The following SYNJ2BP variants were observed in gnomAD, a reference collection of about 807,000 sequenced individuals.
The protein encoded by SYNJ2BP is synaptojanin 2 binding protein, also known as synaptojanin-2-binding protein.
SYNJ2BP carries 10 observed loss-of-function variants against 16.9 expected under a neutral mutation model. The ratio of observed to expected loss-of-function variants is 0.59; its 90% CI spans 0.36 to 1.00. The LOEUF (loss-of-function observed/expected upper bound fraction) is 1.00, where lower values mean the gene tolerates loss of function less well. Ranked by LOEUF, SYNJ2BP falls within the 50% of genes least tolerant of loss-of-function variation. SYNJ2BP has a pLI of 0.01. For synonymous variants in SYNJ2BP, 54 were observed against 68.4 expected, an observed-to-expected ratio of 0.79 and a Z score of 1.04; for missense variants, 162 against 186.7, an observed-to-expected ratio of 0.87 and a Z score of 0.77.
chr14:70,416,561 A>T (rs941776595), intron 1 of SYNJ2BP, among the ~76,000 whole-genome samples: 2 of 152,108 alleles, frequency 1.3e-5, no homozygotes, highest in African/African-American at 2.4e-5. Flanking sequence ...GGGGAGGGAT[A>T]GAACAGGCAA....
Position 70,371,273 on chromosome 14 carries a change from CCT to C in SYNJ2BP, c.*1716_*1717del, listed in dbSNP as rs1357865909. ...TTCCATAGTATCCATTCATTCATAT[CCT>C]CCTCCTAGGCCGCATGAAACACCTA... On this transcript the variant is annotated 3_prime_UTR_variant, in exon 4 of 4. Transcript: ENST00000256366. 6.6e-6 allele frequency: 1 copy of C among 152,202 alleles called. No homozygotes were observed. The highest frequency in any genetic ancestry group is 1.5e-5 in the Non-Finnish European group (1 of 68,046). The allele number at this position is 152,202 out of a possible 1,614,324, so 9.4% of individuals were successfully genotyped here.
At chr14:70,411,481 A>G (rs1888471772) in intron 1 of SYNJ2BP, among the ~76,000 whole-genome samples, 1 of 152,178 alleles carries the variant, frequency 6.6e-6, no homozygotes, top group Admixed American at 6.5e-5. Flanking sequence ...ACTAACACTA[A>G]AGACTCCATA....
chr14:70,396,710 AT>A (rs1888107844), intron 1 of SYNJ2BP, among the ~76,000 whole-genome samples: 1 of 148,962 alleles, frequency 6.7e-6, no homozygotes, highest in African/African-American at 2.5e-5. Flanking sequence ...TGTGGTTTTG[AT>A]TTGCATTTCC....
At chr14:70,410,387 G>A (rs991403082) in intron 1 of SYNJ2BP, among the ~76,000 whole-genome samples, 1 of 152,198 alleles carries the variant, frequency 6.6e-6, no homozygotes, top group African/African-American at 2.4e-5. Flanking sequence ...TCGTGCCACT[G>A]CACTCCAGCC....
rs1887535046 is a variant in SYNJ2BP, at chr14:70,372,373, A to G, written c.*618T>C. 1.3e-5 allele frequency: 2 copies of G among 152,702 alleles called. No individual in the cohort carries two copies. Among genetic ancestry groups the G allele is most frequent in the African/African-American group, 4.8e-5 (2 of 41,446 alleles). 9.5% of individuals were successfully genotyped at this position (152,702 alleles called of 1,614,324 possible). ...GTTTAAGTATCTCTTTAAATTCTTCAGTTAAGATCATCCCTTTTATCAGAA... is the reference window on the plus strand; with the variant it reads ...GTTTAAGTATCTCTTTAAATTCTTCGGTTAAGATCATCCCTTTTATCAGAA... On this transcript the variant is annotated 3_prime_UTR_variant, in exon 4 of 4. Transcript: ENST00000256366.
intron 2 of SYNJ2BP, among the ~76,000 whole-genome samples, chr14:70,385,142 T>C (rs1887832662): frequency 6.6e-6 from 1 of 152,182 alleles, no homozygotes; most frequent in Non-Finnish European, 1.5e-5. Flanking sequence ...TTTCTCTTCA[T>C]TGACATTTAT....
At chr14:70,374,335 C>T (rs1370289725) in intron 3 of SYNJ2BP, among the ~76,000 whole-genome samples, 1 of 152,190 alleles carries the variant, frequency 6.6e-6, no homozygotes, top group African/African-American at 2.4e-5. Flanking sequence ...CCAGATTCTG[C>T]TTGCAACTGG....
At position 70,396,101 on chromosome 14, in the gene SYNJ2BP, T is replaced by C. The variant is rs187282906; in HGVS notation, c.65-7495A>G. Among the ~76,000 whole-genome samples, 74 of 152,264 alleles carry C rather than the reference T, an allele frequency of 4.9e-4. No individual in the cohort carries two copies. In the East Asian group the frequency reaches 9.5e-3, roughly 19 times the overall value. On this transcript the variant is annotated intron_variant, in intron 1 of 3. Coordinates refer to ENST00000256366, the MANE Select transcript of SYNJ2BP (RefSeq NM_018373.3). ...GAACACTGGTGTACAAATATCTGTTTTGAGTTCCTTCCTGCAATTCTTTTT... is the reference window on the plus strand; with the variant it reads ...GAACACTGGTGTACAAATATCTGTTCTGAGTTCCTTCCTGCAATTCTTTTT...
chr14:70,415,775 A>G (rs1364063873), intron 1 of SYNJ2BP, among the ~76,000 whole-genome samples: 1 of 152,160 alleles, frequency 6.6e-6, no homozygotes, highest in Non-Finnish European at 1.5e-5. Context: ...GTACTTGATG[A>G]TTTATTAGAG....
At chr14:70,396,180 G>A (rs1364245126) in intron 1 of SYNJ2BP, among the ~76,000 whole-genome samples, 2 of 152,018 alleles carry the variant, frequency 1.3e-5, no homozygotes, top group Admixed American at 6.6e-5. Context: ...CAGCAGTGGC[G>A]CGATCTCCGC....
At chr14:70,399,590 T>C (rs1334157815) in intron 1 of SYNJ2BP, among the ~76,000 whole-genome samples, 1 of 152,210 alleles carries the variant, frequency 6.6e-6, no homozygotes, top group Non-Finnish European at 1.5e-5. Flanking sequence ...CTGCCATTGC[T>C]GCTCCCGCAG....
chr14:70,388,346 C>T, intron 2 of SYNJ2BP, 124 bp downstream of exon 2: 1 of 1,319,778 alleles, frequency 7.6e-7, no homozygotes, highest in Non-Finnish European at 9.7e-7. Flanking sequence ...AAAGTTGTTC[C>T]CATTCAACTC....
intron 1 of SYNJ2BP, among the ~76,000 whole-genome samples, chr14:70,394,458 CT>C (rs533858770): frequency 2.8e-3 from 378 of 133,290 alleles, no homozygotes; most frequent in Middle Eastern, 8.1e-3. Flanking sequence ...TGGGATTCAA[CT>C]TTTTTTTTTT....
At chr14:70,414,465 G>C (rs1888558719) in intron 1 of SYNJ2BP, among the ~76,000 whole-genome samples, 1 of 152,056 alleles carries the variant, frequency 6.6e-6, no homozygotes, top group African/African-American at 2.4e-5. Flanking sequence ...CCAATGTTTT[G>C]GGAAAATACT....
intron 1 of SYNJ2BP, among the ~76,000 whole-genome samples, chr14:70,398,749 C>T (rs1459843929): frequency 2.0e-5 from 3 of 152,170 alleles, no homozygotes; most frequent in Non-Finnish European, 2.9e-5. Flanking sequence ...ATGAAGTGTG[C>T]AGCCAGCACT....
intron 1 of SYNJ2BP, among the ~76,000 whole-genome samples, chr14:70,389,930 A>G (rs1447004895): frequency 2.6e-5 from 4 of 152,252 alleles, no homozygotes; most frequent in African/African-American, 9.6e-5. Flanking sequence ...TAGTTATGCA[A>G]GATGAATTAA....
chr14:70,398,784 G>T (rs190626435), intron 1 of SYNJ2BP, among the ~76,000 whole-genome samples: 2 of 152,274 alleles, frequency 1.3e-5, no homozygotes, highest in East Asian at 3.9e-4. Context: ...ACAGCCTGGG[G>T]TGGGGGCTCC....
At chr14:70,388,329 ACT>A in intron 2 of SYNJ2BP, 139 bp downstream of exon 2, 1 of 1,271,524 alleles carries the variant, frequency 7.9e-7, no homozygotes, top group South Asian at 3.0e-5. Context: ...GGAAAGAATG[ACT>A]GATCAAAGTT....
intron 1 of SYNJ2BP, among the ~76,000 whole-genome samples, chr14:70,396,582 A>ATGTATGTATGTATGTATG (rs1555348746): frequency 6.7e-6 from 1 of 150,280 alleles, no homozygotes; most frequent in Non-Finnish European, 1.5e-5. Context: ...GTGTGTATGT[A>ATGTATGTATGTATGTATG]TGTATGTATG....
Sources: allele counts gnomAD v4.1 joint callset (sites outside exome capture counted in the v4.1 genomes callset), GRCh38; gene constraint gnomAD v4.1.1; transcripts MANE v1.5; gene names NCBI Gene and HGNC (gene_info 2026-07-23, HGNC 2026-07-21).